Variants in SEMA6B observed in about 807,000 individuals in gnomAD.
SEMA6B encodes semaphorin-6B.
SEMA6B carries 47 observed loss-of-function variants against 78.6 expected under a neutral mutation model. The ratio of observed to expected loss-of-function variants is 0.60; its 90% CI spans 0.47 to 0.76. The LOEUF is 0.76. Ranked by LOEUF, SEMA6B falls within the 30% of genes least tolerant of loss-of-function variation. SEMA6B has a pLI of 0.00. For missense variants in SEMA6B, 1,213 were observed against 1,269.9 expected, an observed-to-expected ratio of 0.96 and a Z score of 0.68; for synonymous variants, 632 against 592.2, an observed-to-expected ratio of 1.07 and a Z score of -0.98.
At position 4,558,460 on chromosome 19, in the gene SEMA6B, C is replaced by A; in HGVS notation, c.-3G>T. 8.0e-7 allele frequency: 1 copy of A among 1,243,864 alleles called. No homozygotes were observed. 77.1% of individuals were successfully genotyped at this position (1,243,864 alleles called of 1,614,324 possible). The stretch of plus-strand genomic sequence containing the variant: ...GGGGACGCTCGCGGGGTCTGCATGG[C>A]GAGGGCCAGGCGACAGGAGGAGGTG... On this transcript the variant is annotated 5_prime_UTR_variant, in exon 2 of 17. Transcript: ENST00000586582. This position sits in a 1 kb window ranked among gnomAD's most constrained non-coding sequence, Gnocchi z 5.1.
Position 4,554,667 on chromosome 19 carries a change from G to A in SEMA6B, c.683-191C>T, listed in dbSNP as rs566593494. 3.9e-5 allele frequency among the ~76,000 whole-genome samples: 6 copies of A among 152,330 alleles called. No individual in the cohort carries two copies. The South Asian group carries it at 1.2e-3, about 32-fold the overall frequency. On this transcript the variant is annotated intron_variant, in intron 8 of 16. Transcript: ENST00000586582. Reference sequence around the variant, plus strand: ...GCCTAAAATCGCTGTGTCTCTTGCTGCAAATGGCAACATCAACTATTTTTT... The same window carrying A: ...GCCTAAAATCGCTGTGTCTCTTGCTACAAATGGCAACATCAACTATTTTTT...
rs532906122 is a variant in SEMA6B at position 4,554,041 on chromosome 19, G to T, written c.771+347C>A. Among the ~76,000 whole-genome samples, 106 of 151,622 alleles carry T rather than the reference G, an allele frequency of 7.0e-4. 1 individual carries two copies. Among genetic ancestry groups the T allele is most frequent in the South Asian group, 1.3e-3 (6 of 4,792 alleles). ...CTCATGAAAGTGTGGGTGGGCTGAA[G>T]AACAGACAGATGGGTAAGTGGGAGG... On this transcript the variant is annotated intron_variant, in intron 9 of 16. Transcript: ENST00000586582.
chr19:4,550,400 A>ATTGAGACTCT lies in SEMA6B; in HGVS notation c.1122-129_1122-128insAGAGTCTCAA. 1 of 1,018,928 alleles carries ATTGAGACTCT rather than the reference A, an allele frequency of 9.8e-7. No homozygotes were observed. The highest frequency in any genetic ancestry group is 1.4e-6 in the Non-Finnish European group (1 of 695,598). 63.1% of individuals were successfully genotyped at this position (1,018,928 alleles called of 1,614,324 possible). On this transcript the variant is annotated intron_variant, in intron 11 of 16. Transcript: ENST00000586582. The surrounding 1 kb of genome is among the most constrained non-coding windows in gnomAD (Gnocchi z 6.6). The stretch of plus-strand genomic sequence containing the variant: ...TTTGTTTGTTTTGTTTTTGAGACAG[A>ATTGAGACTCT]GTCTCAATCTGTCGCCCAGGCTGGA...
intron 8 of SEMA6B, 109 bp from the exon 9 acceptor site, chr19:4,554,585 C>T: frequency 1.2e-6 from 1 of 811,690 alleles, no homozygotes; most frequent in Non-Finnish European, 2.0e-6. Context: ...GCTGGTTACC[C>T]AGACAATATG....
Position 4,558,503 on chromosome 19 carries a change from G to C in SEMA6B, c.-32-14C>G. On this transcript the variant is annotated splice_polypyrimidine_tract_variant and intron_variant, in intron 1 of 16. Transcript: ENST00000586582. This position sits in a 1 kb window ranked among gnomAD's most constrained non-coding sequence, Gnocchi z 5.1. ...AGGAGGTGACGCCTGCGGGCAAGGGGCGGCGAGGTGAGCGGCCTGCAGTCC... is the reference window on the plus strand; with the variant it reads ...AGGAGGTGACGCCTGCGGGCAAGGGCCGGCGAGGTGAGCGGCCTGCAGTCC... The C allele has an allele frequency of 8.1e-7, 1 of 1,234,748 alleles. No homozygotes were observed. The allele number at this position is 1,234,748 out of a possible 1,614,324, so 76.5% of individuals were successfully genotyped here.
At chr19:4,554,828 A>T in intron 8 of SEMA6B, 148 bp downstream of exon 8, 1 of 1,044,896 alleles carries the variant, frequency 9.6e-7, no homozygotes, top group Non-Finnish European at 1.4e-6. Flanking sequence ...CTAGCTTTCT[A>T]GTCTTCAAAA....
intron 5 of SEMA6B, 51 bp from the exon 6 acceptor site, chr19:4,556,140 GT>G: frequency 7.6e-7 from 1 of 1,314,014 alleles, no homozygotes; most frequent in Non-Finnish European, 1.1e-6. Context: ...CGTGGTCATG[GT>G]GATGGGCGTG....
intron 10 of SEMA6B, among the ~76,000 whole-genome samples, chr19:4,551,613 C>T (rs1260940755): frequency 6.6e-6 from 1 of 151,462 alleles, no homozygotes; most frequent in Non-Finnish European, 1.5e-5. Flanking sequence ...GGGTGGATCA[C>T]GAGGTCAGGA....
chr19:4,555,468 A>T lies in SEMA6B; in HGVS notation c.562+6T>A, dbSNP rs774094427. The stretch of plus-strand genomic sequence containing the variant: ...CTGATCAGATGGAGGTTGGGGGGGT[A>T]CTTACCAGAGAAGAGGGCAACATTG... On this transcript the variant is annotated splice_donor_region_variant and intron_variant, in intron 7 of 16. Coordinates refer to ENST00000586582, the MANE Select transcript of SEMA6B (RefSeq NM_032108.4). This position sits in a 1 kb window ranked among gnomAD's most constrained non-coding sequence, Gnocchi z 6.1. 1 of 1,609,942 alleles carries T rather than the reference A, an allele frequency of 6.2e-7. No homozygotes were observed. The highest frequency in any genetic ancestry group is 1.1e-5 in the South Asian group (1 of 90,734).
Position 4,543,927 on chromosome 19 carries a change from G to T in SEMA6B, c.2341C>A (p.Arg781Ser), listed in dbSNP as rs1263537913. 8.3e-6 allele frequency: 10 copies of T among 1,201,394 alleles called. No homozygotes were observed. The East Asian group carries it at 2.8e-4, about 34-fold the overall frequency. The allele number at this position is 1,201,394 out of a possible 1,614,324, so 74.4% of individuals were successfully genotyped here. A position where few individuals can be genotyped will look rare whatever the true frequency, so the allele number is the denominator to read the frequency against. The change falls in exon 17 of 17, where the codon CGC (arginine) becomes AGC (serine). Residue 781 changes from arginine (R) to serine (S), a missense_variant. Arg to Ser is a moderately radical substitution (Grantham distance 110, BLOSUM62 -1). Coordinates refer to ENST00000586582, the MANE Select transcript of SEMA6B (RefSeq NM_032108.4). ...DGRLYAARPG[R>S]ASHGDFPLTP... ...AGCGGGAAGTCGCCGTGGGAGGCGC[G>T]GCCGGGCCGGGCAGCATAGAGGCGG...
In SEMA6B at chr19:4,555,075, T is replaced by C; in HGVS notation, c.583A>G (p.Thr195Ala). ...TCAATGGCTAGGAAGTCGGTAACAG[T>C]AGCTGTGAAGAGCATCCCGTCTGGA... Reference protein sequence around the residue: ...LFSDGMLFTATVTDFLAIDAV... With the variant: ...LFSDGMLFTAAVTDFLAIDAV... Residue 195 changes from threonine (T) to alanine (A), a missense_variant, in exon 8 of 17, where the codon ACT becomes GCT. Thr to Ala is a moderately conservative substitution (Grantham distance 58). Transcript: ENST00000586582. This position sits in a 1 kb window ranked among gnomAD's most constrained non-coding sequence, Gnocchi z 6.1. 1 of 1,613,784 alleles carries C rather than the reference T, an allele frequency of 6.2e-7. No homozygotes were observed. The highest frequency in any genetic ancestry group is 8.5e-7 in the Non-Finnish European group (1 of 1,179,942).
Position 4,550,894 on chromosome 19 carries a change from T to C in SEMA6B, c.1026A>G (p.Thr342=), listed in dbSNP as rs928670625. ...GGCCTTCAAACACAGCTGCCACCTG[T>C]GTCAGGTCAAAGGCGCAGACAGCCG... ...PGSAVCAFDL[T]QVAAVFEGRF... The change falls in exon 11 of 17, where the codon ACA becomes ACG. Residue 342 remains threonine (T), a synonymous_variant. Transcript: ENST00000586582. This position sits in a 1 kb window ranked among gnomAD's most constrained non-coding sequence, Gnocchi z 6.6. The C allele has an allele frequency of 3.1e-6, 5 of 1,613,346 alleles. No individual in the cohort carries two copies. In the African/African-American group the frequency reaches 6.7e-5, roughly 22 times the overall value.
chr19:4,547,669 C>T (rs925551751), intron 14 of SEMA6B, among the ~76,000 whole-genome samples: 4 of 152,168 alleles, frequency 2.6e-5, no homozygotes, highest in African/African-American at 7.2e-5. Context: ...TGAGTCAGGG[C>T]CAGTCCCTCC....
chr19:4,548,441 G>T lies in SEMA6B; in HGVS notation c.1276C>A (p.Gln426Lys), dbSNP rs1977232108. Reference protein sequence around the residue: ...PWILRTLMRHQLTRVAVDVGA... With the variant: ...PWILRTLMRHKLTRVAVDVGA... Reference sequence around the variant, plus strand: ...ACGTCCACAGCCACTCGAGTCAGCTGGTGCCTGGGGGACAGGGCAGGGGAG... The same window carrying T: ...ACGTCCACAGCCACTCGAGTCAGCTTGTGCCTGGGGGACAGGGCAGGGGAG... The change falls in exon 13 of 17, where the codon CAG becomes AAG. Residue 426 changes from glutamine (Q) to lysine (K), a missense_variant. Physicochemically the swap from Gln to Lys is moderately conservative, Grantham distance 53. Transcript: ENST00000586582. 1.2e-6 allele frequency: 2 copies of T among 1,611,066 alleles called. No homozygotes were observed. The highest frequency in any genetic ancestry group is 2.2e-5 in the South Asian group (2 of 91,064).
chr19:4,557,257 G>T (rs1297721387), intron 3 of SEMA6B, 34 bp from the exon 4 acceptor site: 2 of 1,518,232 alleles, frequency 1.3e-6, no homozygotes, highest in Admixed American at 1.9e-5. Context: ...AGAACTGGGG[G>T]CTCCGCCACC....
In SEMA6B at chr19:4,543,123, G is replaced by A. The variant is rs1346722062; in HGVS notation, c.*478C>T. 2 of 621,330 alleles carry A rather than the reference G, an allele frequency of 3.2e-6. No homozygotes were observed. The highest frequency in any genetic ancestry group is 5.5e-5 in the East Asian group (2 of 36,574). 38.5% of individuals were successfully genotyped at this position (621,330 alleles called of 1,614,324 possible). ...TCCCCGGCCCCTTGCACACGAACAC[G>A]GCACGCACACGCACGCACACCCACA... On this transcript the variant is annotated 3_prime_UTR_variant, in exon 17 of 17. Transcript: ENST00000586582.
rs776260187 is a variant in SEMA6B at position 4,555,456 on chromosome 19, G to A, written c.562+18C>T. ...CTGTGGCTGGGGCTGATCAGATGGAGGTTGGGGGGGTACTTACCAGAGAAG... is the reference window on the plus strand; with the variant it reads ...CTGTGGCTGGGGCTGATCAGATGGAAGTTGGGGGGGTACTTACCAGAGAAG... On this transcript the variant is annotated intron_variant, in intron 7 of 16. Transcript: ENST00000586582. The surrounding 1 kb of genome is among the most constrained non-coding windows in gnomAD (Gnocchi z 6.1). 4 of 1,604,146 alleles carry A rather than the reference G, an allele frequency of 2.5e-6. No homozygotes were observed. In the African/African-American group the frequency reaches 4.0e-5, roughly 16 times the overall value.
chr19:4,545,992 A>C (rs556834736), intron 16 of SEMA6B: 70 of 427,168 alleles, frequency 1.6e-4, no homozygotes, highest in Admixed American at 8.0e-4. Flanking sequence ...AGGATGGTCT[A>C]GATCTCCTGA....
chr19:4,549,567 C>A (rs1029871323), intron 12 of SEMA6B, among the ~76,000 whole-genome samples: 1 of 152,226 alleles, frequency 6.6e-6, no homozygotes, highest in African/African-American at 2.4e-5. Flanking sequence ...CAAGCTCCGC[C>A]TCCCGGGTTC....
Sources: gnomAD v4.1 joint callset for allele counts (sites outside exome capture counted in the v4.1 genomes callset) on GRCh38, gnomAD v4.1.1 for gene constraint, Gnocchi (gnomAD v3.1) non-coding constraint, MANE v1.5 for transcripts, NCBI Gene and HGNC (gene_info 2026-07-23, HGNC 2026-07-21) for gene names.